EHBP1: variants seen among roughly 807,000 people sequenced by gnomAD.
The protein encoded by EHBP1 is EH domain-binding protein 1.
In EHBP1, 55 loss-of-function variants were observed where a neutral mutation model predicts 144.0. The ratio of observed to expected loss-of-function variants is 0.38; its 90% CI spans 0.31 to 0.48. The LOEUF (loss-of-function observed/expected upper bound fraction) is 0.48, where lower values mean the gene tolerates loss of function less well. Ranked by LOEUF, EHBP1 falls within the 20% of genes least tolerant of loss-of-function variation. The pLI is 0.98. For synonymous variants in EHBP1, 469 were observed against 472.7 expected (o/e 0.99, Z 0.10); for missense variants, 1,200 against 1,364.2 (o/e 0.88, Z 1.90).
intron 7 of EHBP1, among the ~76,000 whole-genome samples, chr2:62,851,338 GTTC>G (rs1025949329): frequency 6.6e-6 from 1 of 152,122 alleles, no homozygotes; most frequent in Admixed American, 6.5e-5. Flanking sequence ...CCAATTTGCA[GTTC>G]TTCAAGTGTG....
chr2:63,020,335 A>G (rs113894566), intron 19 of EHBP1, among the ~76,000 whole-genome samples: 106 of 150,298 alleles, frequency 7.1e-4, no homozygotes, highest in African/African-American at 2.4e-3. Flanking sequence ...AAAAAAAAAA[A>G]AAAAAAAAAA....
intron 5 of EHBP1, among the ~76,000 whole-genome samples, chr2:62,824,795 A>G (rs2046231481): frequency 6.6e-6 from 1 of 151,926 alleles, no homozygotes; most frequent in South Asian, 2.1e-4. Flanking sequence ...TAGAAATATC[A>G]GGGTTTTTTT....
intron 5 of EHBP1, among the ~76,000 whole-genome samples, chr2:62,804,041 A>C (rs1487121415): frequency 1.3e-5 from 2 of 152,234 alleles, no homozygotes; most frequent in African/African-American, 4.8e-5. Flanking sequence ...GACAACTAGT[A>C]AGTACTCTAT....
intron 14 of EHBP1, among the ~76,000 whole-genome samples, chr2:62,972,298 A>G (rs2058534413): frequency 6.6e-6 from 1 of 152,224 alleles, no homozygotes; most frequent in Non-Finnish European, 1.5e-5. Flanking sequence ...CTATACAGAA[A>G]TAATAAGATA....
intron 19 of EHBP1, among the ~76,000 whole-genome samples, chr2:63,017,187 A>G (rs1449472084): frequency 6.6e-6 from 1 of 152,094 alleles, no homozygotes; most frequent in East Asian, 1.9e-4. Context: ...ATTTGTTTCC[A>G]TTCTTTCATG....
intron 7 of EHBP1, among the ~76,000 whole-genome samples, chr2:62,855,177 G>C (rs1375094069): frequency 1.3e-5 from 2 of 152,342 alleles, no homozygotes; most frequent in South Asian, 4.1e-4. Context: ...TGCTTCTGCT[G>C]TCTGGCTTCT....
chr2:62,744,072 A>G lies in EHBP1; in HGVS notation c.105-3323A>G, dbSNP rs529493088. Among the ~76,000 whole-genome samples, 17 of 152,282 alleles carry G rather than the reference A, an allele frequency of 1.1e-4. No homozygotes were observed. The South Asian group carries it at 3.5e-3, about 32-fold the overall frequency. ...TTTCCTTCCTTGAACAAGCCAACCA[A>G]AAGGCCTCAAATTTTCCAATGGAGC... On this transcript the variant is annotated intron_variant, in intron 2 of 22. Coordinates refer to ENST00000431489, the MANE Select transcript of EHBP1 (RefSeq NM_001142616.3).
intron 19 of EHBP1, among the ~76,000 whole-genome samples, chr2:63,004,299 A>C (rs1229522257): frequency 6.6e-6 from 1 of 152,056 alleles, no homozygotes; most frequent in African/African-American, 2.4e-5. Flanking sequence ...AAATTTTGTT[A>C]GTCTTATCTT....
chr2:62,868,919 A>G (rs1402845061), intron 9 of EHBP1, among the ~76,000 whole-genome samples: 1 of 152,092 alleles, frequency 6.6e-6, no homozygotes, highest in African/African-American at 2.4e-5. Flanking sequence ...ACTCCATTGC[A>G]CTCCAGCCTG....
intron 4 of EHBP1, among the ~76,000 whole-genome samples, chr2:62,769,983 T>C (rs1490447055): frequency 1.3e-5 from 2 of 152,090 alleles, no homozygotes; most frequent in African/African-American, 4.8e-5. Flanking sequence ...AGACTGAAGC[T>C]GGACCCCTTT....
intron 7 of EHBP1, among the ~76,000 whole-genome samples, chr2:62,833,499 T>G (rs2046974122): frequency 6.6e-6 from 1 of 152,222 alleles, no homozygotes; most frequent in South Asian, 2.1e-4. Context: ...AACGACAAGT[T>G]AACTCTCTTG....
chr2:62,736,444 G>A (rs1399187367), intron 2 of EHBP1, among the ~76,000 whole-genome samples: 1 of 151,848 alleles, frequency 6.6e-6, no homozygotes, highest in South Asian at 2.1e-4. Context: ...GGCTGGTCTC[G>A]AACTCCTGAC....
At chr2:62,681,363 GTGT>G (rs2033521279) in intron 1 of EHBP1, among the ~76,000 whole-genome samples, 1 of 18,884 alleles carries the variant, frequency 5.3e-5, no homozygotes, top group Non-Finnish European at 9.3e-5. Context: ...TATATATAAT[GTGT>G]ATATATGTAT....
chr2:62,979,735 G>C (rs2058876424), intron 15 of EHBP1, among the ~76,000 whole-genome samples: 1 of 152,090 alleles, frequency 6.6e-6, no homozygotes, highest in South Asian at 2.1e-4. Flanking sequence ...TCTTTAGAAA[G>C]TAACTTTAAC....
chr2:62,993,738 T>A, intron 17 of EHBP1, 70 bp downstream of exon 17: 2 of 711,094 alleles, frequency 2.8e-6, no homozygotes, highest in Non-Finnish European at 3.9e-6. Context: ...ATATAGTATA[T>A]ATATATAGTA....
chr2:62,805,168 A>G (rs915947188), intron 5 of EHBP1, among the ~76,000 whole-genome samples: 1 of 152,252 alleles, frequency 6.6e-6, no homozygotes, highest in Admixed American at 6.5e-5. Context: ...AGAATTTTTC[A>G]TCTAGTTATC....
intron 2 of EHBP1, among the ~76,000 whole-genome samples, chr2:62,742,549 C>T (rs2038812445): frequency 6.6e-6 from 1 of 151,938 alleles, no homozygotes; most frequent in South Asian, 2.1e-4. Flanking sequence ...AAGCATTTGT[C>T]ATATTATTGT....
At chr2:62,702,326 T>G (rs79528565), upstream of EHBP1, among the ~76,000 whole-genome samples, 1,661 of 152,272 alleles carry the variant, frequency 0.011, 28 homozygotes, top group African/African-American at 0.039. Context: ...CTGGGTCAAA[T>G]GGACAGGATA....
chr2:62,864,778 T>TATA lies in EHBP1; in HGVS notation c.810_812dup (p.Asn271dup), dbSNP rs2049909484. 2.5e-6 allele frequency: 4 copies of TATA among 1,613,640 alleles called. No homozygotes were observed. The highest frequency in any genetic ancestry group is 3.4e-6 in the Non-Finnish European group (4 of 1,179,842). On this transcript the variant is annotated inframe_insertion, in exon 9 of 23. Coordinates refer to ENST00000431489, the MANE Select transcript of EHBP1 (RefSeq NM_001142616.3). ...ACCTAGAAAAACAGAAGACTCTTTT[T>TATA]ATAATAACAGCTATAATCCCTTTAA... is the stretch of plus-strand genomic sequence containing the variant.
Sources: gnomAD v4.1 joint callset for allele counts (sites outside exome capture counted in the v4.1 genomes callset) on GRCh38, gnomAD v4.1.1 for gene constraint, MANE v1.5 for transcripts, NCBI Gene and HGNC (gene_info 2026-07-23, HGNC 2026-07-21) for gene names.